Variants in TRERF1 observed in about 807,000 individuals in gnomAD.
TRERF1 encodes the protein transcriptional-regulating factor 1.
In TRERF1, 27 loss-of-function variants were observed where a neutral mutation model predicts 122.9. The ratio of observed to expected loss-of-function variants is 0.22; its 90% CI spans 0.16 to 0.30. The LOEUF (loss-of-function observed/expected upper bound fraction) is 0.30, where lower values mean the gene tolerates loss of function less well. Among genes scored for constraint, TRERF1 ranks in the 10% least tolerant of loss-of-function variants. TRERF1 has a pLI of 1.00. For synonymous variants in TRERF1, 636 were observed against 641.7 expected, an observed-to-expected ratio of 0.99 and a Z score of 0.13; for missense variants, 1,248 against 1,560.3, an observed-to-expected ratio of 0.80 and a Z score of 3.37.
chr6:42,371,280 C>T (rs1264979233), intron 2 of TRERF1, among the ~76,000 whole-genome samples: 1 of 152,122 alleles, frequency 6.6e-6, no homozygotes, highest in African/African-American at 2.4e-5. Context: ...AGGAAACTTA[C>T]CAAAATTCAC....
At chr6:42,245,162 T>C (rs1009402227) in intron 14 of TRERF1, among the ~76,000 whole-genome samples, 1 of 152,144 alleles carries the variant, frequency 6.6e-6, no homozygotes, top group Non-Finnish European at 1.5e-5. Context: ...CAGTCGCAAG[T>C]GTGGGGCCTA....
At chr6:42,233,431 G>A (rs111741284) in intron 16 of TRERF1, among the ~76,000 whole-genome samples, 1,702 of 151,858 alleles carry the variant, frequency 0.011, 31 homozygotes, top group African/African-American at 0.038. Context: ...GACTACAGGC[G>A]CCCGCCACCA....
intron 4 of TRERF1, among the ~76,000 whole-genome samples, chr6:42,277,058 T>A (rs1781260965): frequency 6.6e-6 from 1 of 152,208 alleles, no homozygotes; most frequent in Non-Finnish European, 1.5e-5. Flanking sequence ...ACCAGGGACT[T>A]TAACATCGTC....
intron 2 of TRERF1, among the ~76,000 whole-genome samples, chr6:42,418,451 A>C (rs1448078367): frequency 1.3e-5 from 2 of 150,724 alleles, no homozygotes; most frequent in Non-Finnish European, 3.0e-5. Flanking sequence ...TTGTATTTTC[A>C]GTAGACATGG....
chr6:42,318,356 T>A (rs1345532692), intron 3 of TRERF1, among the ~76,000 whole-genome samples: 5 of 152,144 alleles, frequency 3.3e-5, no homozygotes, highest in African/African-American at 1.2e-4. Context: ...CCCTACCATG[T>A]AGGGTGGCTG....
intron 2 of TRERF1, among the ~76,000 whole-genome samples, chr6:42,415,549 G>A (rs941842835): frequency 6.6e-6 from 1 of 152,030 alleles, no homozygotes; most frequent in Non-Finnish European, 1.5e-5. Context: ...GCTTATTCTG[G>A]TCTAAGGCAT....
At chr6:42,389,020 C>T (rs1004504503) in intron 2 of TRERF1, among the ~76,000 whole-genome samples, 2 of 152,166 alleles carry the variant, frequency 1.3e-5, no homozygotes, top group Admixed American at 1.3e-4. Context: ...GGAACCTAGA[C>T]ACTCAGAGCA....
At chr6:42,356,812 T>C (rs1477205762) in intron 3 of TRERF1, among the ~76,000 whole-genome samples, 1 of 151,916 alleles carries the variant, frequency 6.6e-6, no homozygotes, top group Non-Finnish European at 1.5e-5. Flanking sequence ...GACCTCGTGA[T>C]CCACTCACCT....
At chr6:42,310,965 T>C (rs911606367) in intron 3 of TRERF1, among the ~76,000 whole-genome samples, 3 of 152,236 alleles carry the variant, frequency 2.0e-5, no homozygotes, top group African/African-American at 7.2e-5. Context: ...GTGTGATAAA[T>C]TCTGCATGTA....
In TRERF1 at chr6:42,268,773, T is replaced by C; in HGVS notation, c.818A>G (p.Gln273Arg). 1 of 1,614,172 alleles carries C rather than the reference T, an allele frequency of 6.2e-7. No individual in the cohort carries two copies. The change falls in exon 5 of 18, where the codon CAG becomes CGG. Residue 273 changes from glutamine (Q) to arginine (R), a missense_variant. Around this residue, in one of 5 missense-constraint regions of TRERF1, gnomAD observed 946 missense variants for 1,073.0 expected, o/e 0.88. Coordinates refer to ENST00000372922, the Ensembl canonical transcript of TRERF1. The surrounding 1 kb of genome is among the most constrained non-coding windows in gnomAD (Gnocchi z 4.4). ...CTGTTGCCCGGCTTGCTGCTGTTGC[T>C]GCGGTGGGTAATACTGGTGCTGCTG...
chr6:42,268,560 A>G lies in TRERF1; in HGVS notation c.1031T>C (p.Met344Thr). 2.5e-6 allele frequency: 4 copies of G among 1,614,116 alleles called. No homozygotes were observed. The highest frequency in any genetic ancestry group is 3.4e-6 in the Non-Finnish European group (4 of 1,180,006). The change falls in exon 5 of 18, where the codon ATG (methionine) becomes ACG (threonine). Residue 344 changes from methionine (M) to threonine (T), a missense_variant. By Grantham distance (81) the Met-to-Thr change is moderately conservative. Around this residue, in one of 5 missense-constraint regions of TRERF1, gnomAD observed 946 missense variants for 1,073.0 expected, o/e 0.88. Transcript: ENST00000372922. This position sits in a 1 kb window ranked among gnomAD's most constrained non-coding sequence, Gnocchi z 4.4. ...GTGATAAGAAGGAGGCTGCAGGTGC[A>G]TCTGTTGCTGCTGCTGCTCTTGCAA...
rs551033762 is a variant in TRERF1 at position 42,290,419 on chromosome 6, T to G, written c.-259+10219A>C. ...TTGCCCTAGTCAGCTGCCCCTCGCC[T>G]GTGGCCAGCCCTCCCCAGCAACTGC... is the stretch of plus-strand genomic sequence containing the variant. On this transcript the variant is annotated intron_variant, in intron 4 of 17. Coordinates refer to ENST00000372922, the Ensembl canonical transcript of TRERF1. 1.4e-4 allele frequency among the ~76,000 whole-genome samples: 22 copies of G among 152,322 alleles called. No homozygotes were observed. The South Asian group carries it at 2.9e-3, about 20-fold the overall frequency.
intron 2 of TRERF1, among the ~76,000 whole-genome samples, chr6:42,378,344 T>A (rs1775270792): frequency 6.6e-6 from 1 of 151,966 alleles, no homozygotes; most frequent in South Asian, 2.1e-4. Flanking sequence ...CTGAAACTTG[T>A]TTGATCTTGT....
At chr6:42,354,534 A>G (rs1770135215) in intron 3 of TRERF1, among the ~76,000 whole-genome samples, 1 of 152,002 alleles carries the variant, frequency 6.6e-6, no homozygotes, top group African/African-American at 2.4e-5. Flanking sequence ...TGTTTAATCC[A>G]TCTGTAATTC....
intron 15 of TRERF1, among the ~76,000 whole-genome samples, chr6:42,241,618 C>T (rs550225748): frequency 4.6e-5 from 7 of 152,136 alleles, no homozygotes; most frequent in South Asian, 2.1e-4. Flanking sequence ...TGTGCTACCA[C>T]GCCTGGCTAA....
In TRERF1 at chr6:42,243,441, T is replaced by C; in HGVS notation, c.2746-80A>G. The C allele has an allele frequency of 3.0e-6, 3 of 1,011,250 alleles. No homozygotes were observed. In the South Asian group the frequency reaches 4.1e-5, roughly 14 times the overall value. 62.6% of individuals were successfully genotyped at this position (1,011,250 alleles called of 1,614,324 possible). A position where few individuals can be genotyped will look rare whatever the true frequency, so the allele number is the denominator to read the frequency against. The stretch of plus-strand genomic sequence containing the variant: ...AGCAAGCATTTTTGAATATTTAATT[T>C]TGTAATAGGGTAATAAACAAGTTTG... On this transcript the variant is annotated intron_variant, in intron 14 of 17. Transcript: ENST00000372922.
intron 16 of TRERF1, 44 bp downstream of exon 16, chr6:42,236,161 G>T: frequency 6.5e-7 from 1 of 1,528,222 alleles, no homozygotes. Context: ...CAGCTATATG[G>T]CTCTCACTTG....
At position 42,268,675 on chromosome 6, in the gene TRERF1, G is replaced by A; in HGVS notation, c.916C>T (p.Gln306Ter). The A allele has an allele frequency of 1.2e-6, 2 of 1,614,180 alleles. No individual in the cohort carries two copies. Among genetic ancestry groups the A allele is most frequent in the Non-Finnish European group, 1.7e-6 (2 of 1,180,020 alleles). ...AGCTGTAGCTGCTGCGGCTGCTGCT[G>A]CTGTGGCGGCGGCTGTGGCTGTGAT... The change falls in exon 5 of 18, where the codon CAG becomes TAG. Residue 306 changes from glutamine to a stop codon, truncating the protein, a stop_gained. Transcript: ENST00000372922. LOFTEE classifies it high-confidence loss of function. The surrounding 1 kb of genome is among the most constrained non-coding windows in gnomAD (Gnocchi z 4.4).
intron 2 of TRERF1, among the ~76,000 whole-genome samples, chr6:42,401,025 C>A (rs774653336): frequency 6.6e-6 from 1 of 152,218 alleles, no homozygotes; most frequent in Non-Finnish European, 1.5e-5. Flanking sequence ...ACTGCAGGGG[C>A]CCCTGGCCAT....
Sources: gnomAD v4.1 joint callset for allele counts (sites outside exome capture counted in the v4.1 genomes callset) on GRCh38, gnomAD v4.1.1 for gene constraint, gnomAD v4.1.1 regional missense constraint, Gnocchi (gnomAD v3.1) non-coding constraint, MANE v1.5 for transcripts, NCBI Gene and HGNC (gene_info 2026-07-23, HGNC 2026-07-21) for gene names.